The following VEZT variants were observed in gnomAD, a reference collection of about 807,000 sequenced individuals.
The protein encoded by VEZT is vezatin.
A neutral mutation model predicts 79.9 loss-of-function variants in VEZT; 39 were observed. That is an observed-to-expected ratio of 0.49 (90% CI 0.38 to 0.64). The LOEUF is 0.64. Among genes scored for constraint, VEZT ranks in the 30% least tolerant of loss-of-function variants. The probability of loss-of-function intolerance (pLI) is 0.00; values close to 1 mark genes in which losing one functional copy is unlikely to be tolerated. For missense variants in VEZT, 837 were observed against 893.1 expected (o/e 0.94, Z 0.80); for synonymous variants, 325 against 327.6 (o/e 0.99, Z 0.09).
At chr12:95,273,527 T>C (rs1343550463) in intron 6 of VEZT, among the ~76,000 whole-genome samples, 2 of 152,220 alleles carry the variant, frequency 1.3e-5, no homozygotes, top group African/African-American at 4.8e-5. Context: ...CTGTATCCCT[T>C]AATACCTCAT....
At position 95,270,060 on chromosome 12, in the gene VEZT, T is replaced by A. The variant is rs777285920; in HGVS notation, c.720T>A (p.Ala240=). Residue 240 remains alanine (A), a synonymous_variant, in exon 6 of 12, where the codon GCT becomes GCA. Transcript: ENST00000436874. The part of the protein sequence containing the change: ...VISRGFTLVS[A]ACPFNKAGQH... ...CAAGTTTGCTTGACAGGGTCAGTGCTGCTTGCCCATTTAATAAAGCTGGAC... is the reference window on the plus strand; with the variant it reads ...CAAGTTTGCTTGACAGGGTCAGTGCAGCTTGCCCATTTAATAAAGCTGGAC... The A allele has an allele frequency of 6.2e-7, 1 of 1,611,100 alleles. No individual in the cohort carries two copies. The highest frequency in any genetic ancestry group is 2.2e-5 in the East Asian group (1 of 44,846).
intron 3 of VEZT, chr12:95,258,416 G>T (rs1365674566): frequency 3.2e-6 from 1 of 315,692 alleles, no homozygotes; most frequent in East Asian, 8.2e-5. Context: ...GCCAGCTTCT[G>T]TATGCATCCC....
Position 95,287,689 on chromosome 12 carries a change from GA to G in VEZT, c.1358del (p.Lys453SerfsTer11), listed in dbSNP as rs1465567465. 3 of 1,572,350 alleles carry G rather than the reference GA, an allele frequency of 1.9e-6. No homozygotes were observed. The Admixed American group carries it at 5.5e-5, about 29-fold the overall frequency. On this transcript the variant is annotated frameshift_variant, in exon 9 of 12. Coordinates refer to ENST00000436874, the MANE Select transcript of VEZT (RefSeq NM_017599.4). LOFTEE classifies it high-confidence loss of function. ...GGTAATAATTCTTGAAGATGAACTT[GA>G]AAAGCTTGTTTGTACTAAAGAAACA... ...NEVIILEDEL[E>X]KLVCTKETQE...
chr12:95,233,761 A>G (rs1034614395), intron 1 of VEZT, among the ~76,000 whole-genome samples: 3 of 152,154 alleles, frequency 2.0e-5, no homozygotes, highest in African/African-American at 7.2e-5. Context: ...CTATATGTGT[A>G]TGTGTATATA....
In VEZT at chr12:95,266,603, A is replaced by G. The variant is rs765314172; in HGVS notation, c.681A>G (p.Glu227=). 4.0e-5 allele frequency: 65 copies of G among 1,611,890 alleles called. No individual in the cohort carries two copies. The highest frequency in any genetic ancestry group is 5.2e-5 in the Non-Finnish European group (61 of 1,179,402). Residue 227 remains glutamate, a synonymous_variant, in exon 5 of 12, where the codon GAA becomes GAG. Transcript: ENST00000436874. ...LVRKALRLIQ[E]TEVISRGFTL... ...GAAAAGCTTTACGTCTCATTCAAGA[A>G]ACCGAAGTGATTTCCAGAGGATTTA...
At chr12:95,248,080 T>TA (rs2137647023) in intron 1 of VEZT, among the ~76,000 whole-genome samples, 1 of 152,302 alleles carries the variant, frequency 6.6e-6, no homozygotes, top group African/African-American at 2.4e-5. Flanking sequence ...TCCAGAACTG[T>TA]AAAACAGTGC....
At chr12:95,265,745 A>T (rs61541154) in intron 4 of VEZT, among the ~76,000 whole-genome samples, 4 of 152,112 alleles carry the variant, frequency 2.6e-5, no homozygotes, top group African/African-American at 9.7e-5. Context: ...CAAAATCTTC[A>T]CAGAAGACTT....
chr12:95,271,665 A>G lies in VEZT; in HGVS notation c.848+1477A>G, dbSNP rs928886802. On this transcript the variant is annotated intron_variant, in intron 6 of 11. Coordinates refer to ENST00000436874, the MANE Select transcript of VEZT (RefSeq NM_017599.4). ...GCACAGACTGCCAGGCAATATGCTA[A>G]TCACTAGACGTACAGTGGTAAACAT... Among the ~76,000 whole-genome samples the G allele has an allele frequency of 2.0e-5, 3 of 152,362 alleles. No individual in the cohort carries two copies. In the East Asian group the frequency reaches 5.8e-4, roughly 29 times the overall value.
At chr12:95,291,682 G>A (rs1238766225) in intron 9 of VEZT, among the ~76,000 whole-genome samples, 1 of 152,176 alleles carries the variant, frequency 6.6e-6, no homozygotes, top group African/African-American at 2.4e-5. Flanking sequence ...GAGGGATAAG[G>A]TCTTCAGGGA....
intron 1 of VEZT, among the ~76,000 whole-genome samples, chr12:95,242,473 G>A (rs920365984): frequency 2.0e-5 from 3 of 152,172 alleles, no homozygotes; most frequent in African/African-American, 7.2e-5. Flanking sequence ...GCCTAGGCTG[G>A]AGTGCAGTAG....
intron 11 of VEZT, chr12:95,296,621 C>T (rs555542398): frequency 6.2e-6 from 1 of 160,520 alleles, no homozygotes; most frequent in African/African-American, 2.4e-5. Context: ...CTCAGTGAAG[C>T]ACAAAATTAA....
rs139811931 is a variant in VEZT, at chr12:95,294,261, G to C, written c.1523-11G>C. The C allele has an allele frequency of 8.3e-6, 13 of 1,569,570 alleles. No individual in the cohort carries two copies. Among genetic ancestry groups the C allele is most frequent in the Non-Finnish European group, 1.0e-5 (12 of 1,156,172 alleles). ...CTTATCTTTATTCCCATCTATTCCC[G>C]TTTTTTAAAGGCAAGCCTGAAATAG... On this transcript the variant is annotated splice_polypyrimidine_tract_variant and intron_variant, in intron 9 of 11. Transcript: ENST00000436874.
intron 6 of VEZT, among the ~76,000 whole-genome samples, chr12:95,270,964 T>C (rs2066475479): frequency 6.6e-6 from 1 of 152,222 alleles, no homozygotes; most frequent in African/African-American, 2.4e-5. Flanking sequence ...TGCTGGGTAT[T>C]GTAGCACTGA....
chr12:95,289,885 T>G (rs991815927), intron 9 of VEZT, among the ~76,000 whole-genome samples: 1 of 152,222 alleles, frequency 6.6e-6, no homozygotes, highest in East Asian at 1.9e-4. Context: ...TATCTATGTA[T>G]GTATCTGTAT....
At chr12:95,264,703 C>A (rs1474148910) in intron 4 of VEZT, among the ~76,000 whole-genome samples, 2 of 151,872 alleles carry the variant, frequency 1.3e-5, no homozygotes, top group Non-Finnish European at 1.5e-5. Flanking sequence ...TCCCAAAGTG[C>A]TGGGATTACA....
intron 7 of VEZT, among the ~76,000 whole-genome samples, chr12:95,281,172 G>T (rs927775630): frequency 3.9e-5 from 6 of 151,998 alleles, no homozygotes; most frequent in Non-Finnish European, 7.4e-5. Flanking sequence ...TCCTCATCTT[G>T]AATAGGACTA....
At chr12:95,243,576 T>C (rs2061333050) in intron 1 of VEZT, among the ~76,000 whole-genome samples, 1 of 152,194 alleles carries the variant, frequency 6.6e-6, no homozygotes, top group Admixed American at 6.5e-5. Context: ...ATTACCTAAT[T>C]TCACCTGTAA....
Position 95,282,393 on chromosome 12 carries a change from T to C in VEZT, c.1077T>C (p.Pro359=), listed in dbSNP as rs1347965149. Residue 359 remains proline, a synonymous_variant, in exon 8 of 12, where the codon CCT becomes CCC. Transcript: ENST00000436874. Reference sequence around the variant, plus strand: ...TATTACTTTCTACAGCCAATTCACCTCCTGGGCCCTTACTTACTCCAGCAC... The same window carrying C: ...TATTACTTTCTACAGCCAATTCACCCCCTGGGCCCTTACTTACTCCAGCAC... ...LALLLSTANS[P]PGPLLTPALL... 6.2e-7 allele frequency: 1 copy of C among 1,613,990 alleles called. No individual in the cohort carries two copies.
intron 2 of VEZT, among the ~76,000 whole-genome samples, chr12:95,253,318 A>G (rs1366527484): frequency 6.6e-6 from 1 of 152,224 alleles, no homozygotes; most frequent in African/African-American, 2.4e-5. Context: ...TCTTACAAAG[A>G]CACCTAAAAT....
Sources: gnomAD v4.1 joint callset for allele counts (sites outside exome capture counted in the v4.1 genomes callset) on GRCh38, gnomAD v4.1.1 for gene constraint, MANE v1.5 for transcripts, NCBI Gene and HGNC (gene_info 2026-07-23, HGNC 2026-07-21) for gene names.